Variants in CTNNA2 observed in about 807,000 individuals in gnomAD.
CTNNA2 encodes catenin alpha-2.
In CTNNA2, 42 loss-of-function variants were observed where a neutral mutation model predicts 101.0. That is an observed-to-expected ratio of 0.42 (90% CI 0.32 to 0.54). The LOEUF (loss-of-function observed/expected upper bound fraction) is 0.54, where lower values mean the gene tolerates loss of function less well. CTNNA2 is among the 20% of genes least tolerant of loss of function. The probability of loss-of-function intolerance (pLI) is 0.14; values close to 1 mark genes in which losing one functional copy is unlikely to be tolerated. For synonymous variants in CTNNA2, 450 were observed against 456.4 expected, an observed-to-expected ratio of 0.99 and a Z score of 0.18; for missense variants, 871 against 1,223.1, an observed-to-expected ratio of 0.71 and a Z score of 4.29.
chr2:79,820,345 T>C (rs914129701), intron 3 of CTNNA2, among the ~76,000 whole-genome samples: 1 of 152,194 alleles, frequency 6.6e-6, no homozygotes, highest in African/African-American at 2.4e-5. Flanking sequence ...GGAAGTTTTA[T>C]CCCAATTCTC....
chr2:79,272,900 T>C (rs1451191292), intron 2 of CTNNA2, among the ~76,000 whole-genome samples: 1 of 151,256 alleles, frequency 6.6e-6, no homozygotes, highest in Non-Finnish European at 1.5e-5. Flanking sequence ...TTTTACTTTA[T>C]TAACTAGGTT....
chr2:80,393,602 G>A (rs1239933303), intron 8 of CTNNA2, among the ~76,000 whole-genome samples: 1 of 152,156 alleles, frequency 6.6e-6, no homozygotes, highest in East Asian at 1.9e-4. Context: ...GGTATGCCAA[G>A]AGCCTGCCTC....
At chr2:79,629,409 T>A (rs947725556) in intron 1 of CTNNA2, among the ~76,000 whole-genome samples, 1 of 152,226 alleles carries the variant, frequency 6.6e-6, no homozygotes, top group Non-Finnish European at 1.5e-5. Flanking sequence ...TTTTTTAACA[T>A]AAGTAGGACC....
chr2:79,411,675 C>G (rs544062407), intron 4 of CTNNA2, among the ~76,000 whole-genome samples: 1 of 152,088 alleles, frequency 6.6e-6, no homozygotes, highest in Non-Finnish European at 1.5e-5. Flanking sequence ...AAATAAAATA[C>G]TTTACAGACA....
intron 3 of CTNNA2, among the ~76,000 whole-genome samples, chr2:79,797,691 A>G (rs974400541): frequency 6.7e-6 from 1 of 150,298 alleles, no homozygotes; most frequent in Non-Finnish European, 1.5e-5. Flanking sequence ...GATTGGCTTA[A>G]CAGAAAAATT....
intron 1 of CTNNA2, among the ~76,000 whole-genome samples, chr2:79,197,806 G>A (rs1386118213): frequency 1.3e-5 from 2 of 152,132 alleles, no homozygotes; most frequent in African/African-American, 2.4e-5. Flanking sequence ...ACGGAGTCTC[G>A]CTTTGTCGCC....
At chr2:79,360,050 A>G (rs1677593680) in intron 3 of CTNNA2, among the ~76,000 whole-genome samples, 2 of 152,252 alleles carry the variant, frequency 1.3e-5, no homozygotes, top group South Asian at 4.1e-4. Flanking sequence ...TATAAACAAA[A>G]TCTCTTTTGA....
At chr2:79,436,390 T>G (rs894534915) in intron 4 of CTNNA2, among the ~76,000 whole-genome samples, 4 of 152,190 alleles carry the variant, frequency 2.6e-5, no homozygotes, top group African/African-American at 9.6e-5. Flanking sequence ...TCGCTCACTT[T>G]GGCTGACTTC....
chr2:79,584,833 A>G (rs1350590732), intron 1 of CTNNA2, among the ~76,000 whole-genome samples: 1 of 152,186 alleles, frequency 6.6e-6, no homozygotes, highest in Non-Finnish European at 1.5e-5. Flanking sequence ...GCAGATTTTC[A>G]TATGCACTTG....
intron 2 of CTNNA2, among the ~76,000 whole-genome samples, chr2:79,246,250 C>G (rs1039700607): frequency 9.9e-5 from 15 of 152,120 alleles, no homozygotes; most frequent in African/African-American, 2.7e-4. Context: ...TTTCTTCCAG[C>G]CTTTATGACC....
intron 7 of CTNNA2, among the ~76,000 whole-genome samples, chr2:79,990,358 C>A (rs1574485370): frequency 2.0e-5 from 3 of 152,230 alleles, no homozygotes; most frequent in African/African-American, 7.2e-5. Context: ...GATAACCTCA[C>A]CAGGTTTTCT....
intron 18 of CTNNA2, among the ~76,000 whole-genome samples, chr2:80,632,655 A>G (rs918096339): frequency 1.6e-4 from 25 of 152,158 alleles, no homozygotes; most frequent in African/African-American, 5.3e-4. Flanking sequence ...GCTAGGGCTT[A>G]TCATGCCCTC....
chr2:79,938,459 ATG>A (rs1393556528), intron 7 of CTNNA2, among the ~76,000 whole-genome samples: 1 of 152,092 alleles, frequency 6.6e-6, no homozygotes, highest in African/African-American at 2.4e-5. Context: ...ACTTTCCTGT[ATG>A]TGTGTGTGTG....
At chr2:79,902,101 C>A (rs1293679090) in intron 6 of CTNNA2, among the ~76,000 whole-genome samples, 3 of 152,086 alleles carry the variant, frequency 2.0e-5, no homozygotes, top group African/African-American at 7.2e-5. Flanking sequence ...TGTTTTTGAT[C>A]CCCTCTTGAA....
At chr2:79,668,675 A>G (rs1249527374) in intron 2 of CTNNA2, among the ~76,000 whole-genome samples, 1 of 152,230 alleles carries the variant, frequency 6.6e-6, no homozygotes, top group Non-Finnish European at 1.5e-5. Flanking sequence ...TAGTAAAAAA[A>G]ACTTAAACTT....
intron 7 of CTNNA2, among the ~76,000 whole-genome samples, chr2:80,210,087 T>G (rs1313767903): frequency 1.3e-5 from 2 of 152,322 alleles, no homozygotes; most frequent in East Asian, 3.9e-4. Context: ...TTACAATTTT[T>G]AAATAATTCA....
chr2:80,486,516 A>G (rs1573010232), intron 9 of CTNNA2, among the ~76,000 whole-genome samples: 2 of 152,196 alleles, frequency 1.3e-5, no homozygotes, highest in East Asian at 3.9e-4. Flanking sequence ...AAAATAAATA[A>G]AATGAGAGAA....
chr2:80,280,904 G>A (rs187243742), intron 7 of CTNNA2, among the ~76,000 whole-genome samples: 1 of 152,090 alleles, frequency 6.6e-6, no homozygotes, highest in Admixed American at 6.6e-5. Context: ...TCTACTGGGG[G>A]TCTTAGAATA....
At position 80,089,320 on chromosome 2, in the gene CTNNA2, G is replaced by A. The variant is rs559259634; in HGVS notation, c.1056+179523G>A. ...ATCTATATTCTCACTTTCATTGAGG[G>A]CTTCTCTGGAAGCCAAAGAAAGGAG... On this transcript the variant is annotated intron_variant, in intron 7 of 18. Transcript: ENST00000402739. 1.8e-4 allele frequency among the ~76,000 whole-genome samples: 27 copies of A among 152,088 alleles called. No individual in the cohort carries two copies. In the East Asian group the frequency reaches 5.3e-3, roughly 30 times the overall value.
Sources: gnomAD v4.1 joint callset for allele counts (sites outside exome capture counted in the v4.1 genomes callset) on GRCh38, gnomAD v4.1.1 for gene constraint, MANE v1.5 for transcripts, NCBI Gene and HGNC (gene_info 2026-07-23, HGNC 2026-07-21) for gene names.